The following RANBP2 variants were observed in gnomAD, a reference collection of about 807,000 sequenced individuals.
RANBP2 encodes the protein RAN binding protein 2.
A neutral mutation model predicts 303.6 loss-of-function variants in RANBP2; 57 were observed. That is an observed-to-expected ratio of 0.19 (90% confidence interval 0.15 to 0.23). RANBP2 has a LOEUF of 0.23. Ranked by LOEUF, RANBP2 falls within the 10% of genes least tolerant of loss-of-function variation. The pLI, the probability that RANBP2 is intolerant of heterozygous loss-of-function variation, is 1.00. For synonymous variants in RANBP2, 1,167 were observed against 1,301.5 expected (o/e 0.90, Z 2.23); for missense variants, 3,138 against 3,780.8 (o/e 0.83, Z 4.46).
the RANBP2 span, among the ~76,000 whole-genome samples, chr2:108,952,244 G>C: frequency 6.6e-6 from 1 of 152,176 alleles, no homozygotes; most frequent in African/African-American, 2.4e-5. Context: ...GGGGCAGCTT[G>C]TTGATTGATT....
In RANBP2 at chr2:108,765,377, G is replaced by T; in HGVS notation, c.4838G>T (p.Ser1613Ile). The T allele has an allele frequency of 8.2e-7, 1 of 1,225,514 alleles. No individual in the cohort carries two copies. The highest frequency in any genetic ancestry group is 1.2e-6 in the Non-Finnish European group (1 of 828,340). The allele number at this position is 1,225,514 out of a possible 1,614,324, so 75.9% of individuals were successfully genotyped here. A position where few individuals can be genotyped will look rare whatever the true frequency, so the allele number is the denominator to read the frequency against. Residue 1613 changes from serine to isoleucine, a missense_variant, in exon 20 of 29, where the codon AGT (serine) becomes ATT (isoleucine). This residue lies in a region of RANBP2 where 28 missense variants were observed against 43.2 expected (regional missense o/e 0.65). Transcript: ENST00000283195. ...AAGAAGGAGGGACAGTGGGATTGCA[G>T]TGTGTGCTTAGTAAGAAATGAAGCC... ...FTKKEGQWDC[S>I]VCLVRNEASA...
chr2:109,396,123 C>T, the RANBP2 span, among the ~76,000 whole-genome samples: 4 of 152,174 alleles, frequency 2.6e-5, no homozygotes, highest in South Asian at 2.1e-4. Flanking sequence ...GCTGTGTCTT[C>T]CTCTATACCC....
chr2:108,946,179 G>A, the RANBP2 span, among the ~76,000 whole-genome samples: 1 of 152,140 alleles, frequency 6.6e-6, no homozygotes, highest in Non-Finnish European at 1.5e-5. Flanking sequence ...CAGCTGTGAG[G>A]AGCTGTCAGG....
chr2:109,363,891 C>T, the RANBP2 span, among the ~76,000 whole-genome samples: 2 of 152,044 alleles, frequency 1.3e-5, no homozygotes, highest in East Asian at 1.9e-4. Flanking sequence ...AGGATTTTTT[C>T]TTTATCTTTT....
At chr2:108,908,504 C>T in the RANBP2 span, among the ~76,000 whole-genome samples, 28 of 152,124 alleles carry the variant, frequency 1.8e-4, no homozygotes, top group Non-Finnish European at 4.4e-5. Flanking sequence ...GAGCCTTGTG[C>T]CTGGAAAGCC....
the RANBP2 span, chr2:109,613,207 C>A: frequency 3.1e-6 from 4 of 1,283,058 alleles, no homozygotes; most frequent in East Asian, 5.6e-5. Flanking sequence ...TACTAACAAG[C>A]GAGATAAATC....
chr2:108,974,061 G>T, the RANBP2 span, among the ~76,000 whole-genome samples: 1 of 152,160 alleles, frequency 6.6e-6, no homozygotes, highest in Non-Finnish European at 1.5e-5. Flanking sequence ...CAGGCGCGGT[G>T]GCTCACGCCT....
the RANBP2 span, among the ~76,000 whole-genome samples, chr2:108,940,552 G>A: frequency 2.0e-5 from 3 of 152,240 alleles, no homozygotes; most frequent in South Asian, 2.1e-4. Context: ...GCCCCAGATC[G>A]GGCGGAGGTG....
At chr2:108,884,547 T>C in the RANBP2 span, 3 of 152,306 alleles carry the variant, frequency 2.0e-5, no homozygotes, top group African/African-American at 7.2e-5. Context: ...CTTTGTTTTG[T>C]TTTTGCTTGT....
At chr2:109,406,405 T>C in the RANBP2 span, among the ~76,000 whole-genome samples, 2 of 152,142 alleles carry the variant, frequency 1.3e-5, no homozygotes, top group Non-Finnish European at 2.9e-5. Context: ...AGTGCCCAGG[T>C]CCATCACTGA....
chr2:109,014,112 T>C, the RANBP2 span, among the ~76,000 whole-genome samples: 3 of 152,184 alleles, frequency 2.0e-5, no homozygotes, highest in African/African-American at 7.2e-5. Flanking sequence ...CTACAATAAA[T>C]TGATTTTTTA....
At chr2:109,626,905 G>A in the RANBP2 span, among the ~76,000 whole-genome samples, 17 of 152,332 alleles carry the variant, frequency 1.1e-4, no homozygotes, top group East Asian at 3.1e-3. Flanking sequence ...TGTCCATAAC[G>A]GTGTACAGGT....
At chr2:109,389,326 A>C in the RANBP2 span, among the ~76,000 whole-genome samples, 7 of 152,208 alleles carry the variant, frequency 4.6e-5, no homozygotes, top group South Asian at 1.2e-3. Context: ...TTTTATTTCT[A>C]CTGGAGGCAA....
In RANBP2 at chr2:108,764,160, A is replaced by T; in HGVS notation, c.3621A>T (p.Glu1207Asp). ...NRAKLFRFDV[E>D]SKEWKERGIG... ...CGAAATTGTTTCGTTTCGATGTAGA[A>T]TCCAAAGAATGGAAAGAACGTGGGA... The change falls in exon 20 of 29, where the codon GAA becomes GAT. Residue 1207 changes from glutamate (E) to aspartate (D), a missense_variant. Physicochemically the swap from Glu to Asp is conservative, Grantham distance 45. Coordinates refer to ENST00000283195, the MANE Select transcript of RANBP2 (RefSeq NM_006267.5). 1.2e-6 allele frequency: 2 copies of T among 1,614,116 alleles called. No individual in the cohort carries two copies. The highest frequency in any genetic ancestry group is 1.7e-6 in the Non-Finnish European group (2 of 1,179,992).
the RANBP2 span, among the ~76,000 whole-genome samples, chr2:109,599,386 A>T: frequency 6.8e-6 from 1 of 146,922 alleles, no homozygotes. Context: ...TGAACTCAGG[A>T]GGCGGAGGTT....
chr2:109,341,993 G>C, the RANBP2 span, among the ~76,000 whole-genome samples: 2 of 152,202 alleles, frequency 1.3e-5, no homozygotes, highest in African/African-American at 4.8e-5. Context: ...ACCCCGCAGT[G>C]CTTGGTGTGT....
intron 2 of RANBP2, among the ~76,000 whole-genome samples, chr2:108,729,620 G>C (rs548446468): frequency 1.1e-4 from 17 of 152,174 alleles, no homozygotes; most frequent in Non-Finnish European, 2.2e-4. Flanking sequence ...GACACAATAT[G>C]TGATGCTCTA....
At chr2:108,795,658 C>T in the RANBP2 span, among the ~76,000 whole-genome samples, 3 of 152,184 alleles carry the variant, frequency 2.0e-5, no homozygotes, top group Non-Finnish European at 4.4e-5. Flanking sequence ...ATTATTTTAG[C>T]CTAAAATCAC....
At chr2:109,278,598 A>C in the RANBP2 span, among the ~76,000 whole-genome samples, 1 of 152,226 alleles carries the variant, frequency 6.6e-6, no homozygotes, top group Non-Finnish European at 1.5e-5. Flanking sequence ...GGCATATAGG[A>C]TAAGCACCTG....
Sources: allele counts gnomAD v4.1 joint callset (sites outside exome capture counted in the v4.1 genomes callset), GRCh38; gene constraint gnomAD v4.1.1; regional missense constraint gnomAD v4.1.1; transcripts MANE v1.5; gene names NCBI Gene and HGNC (gene_info 2026-07-23, HGNC 2026-07-21).